CNBD2: variants seen among roughly 807,000 people sequenced by gnomAD.
The protein encoded by CNBD2 is cyclic nucleotide binding domain containing 2.
A neutral mutation model predicts 63.7 loss-of-function variants in CNBD2; 64 were observed. The observed-to-expected ratio is 1.00, with a 90% CI of 0.82 to 1.24. The LOEUF is 1.24. CNBD2 is among the 50% of genes most tolerant of loss of function. The pLI, the probability that CNBD2 is intolerant of heterozygous loss-of-function variation, is 0.00. For missense variants in CNBD2, 691 were observed against 713.5 expected, an observed-to-expected ratio of 0.97 and a Z score of 0.36; for synonymous variants, 229 against 255.4, an observed-to-expected ratio of 0.90 and a Z score of 0.99.
chr20:35,975,401 C>T (rs1406901339), intron 2 of CNBD2, among the ~76,000 whole-genome samples: 1 of 111,768 alleles, frequency 8.9e-6, no homozygotes, highest in East Asian at 2.4e-4. Flanking sequence ...CCCGGGTTCA[C>T]GCCATTCTCC....
chr20:36,011,019 T>G, intron 9 of CNBD2, 118 bp from the exon 10 acceptor site: 1 of 1,104,794 alleles, frequency 9.1e-7, no homozygotes, highest in Non-Finnish European at 1.2e-6. Context: ...TTCTGGGAAG[T>G]TGTGAATTCC....
intron 1 of CNBD2, among the ~76,000 whole-genome samples, chr20:35,969,854 C>T (rs936158595): frequency 2.0e-5 from 3 of 152,246 alleles, no homozygotes; most frequent in Non-Finnish European, 2.9e-5. Context: ...GAAGTACACA[C>T]ATCCTCAACT....
chr20:36,021,825 T>A (rs538793495), intron 10 of CNBD2, among the ~76,000 whole-genome samples: 2 of 152,094 alleles, frequency 1.3e-5, no homozygotes, highest in East Asian at 1.9e-4. Context: ...TGGACTTCCA[T>A]CTCCCTTCCA....
intron 3 of CNBD2, among the ~76,000 whole-genome samples, chr20:35,978,083 T>G (rs2056545321): frequency 6.6e-6 from 1 of 152,180 alleles, no homozygotes; most frequent in Admixed American, 6.5e-5. Context: ...GTGGAAACAA[T>G]GGATACATTT....
downstream of CNBD2, among the ~76,000 whole-genome samples, chr20:35,955,586 A>G (rs1479192572): frequency 6.6e-6 from 1 of 152,142 alleles, no homozygotes; most frequent in East Asian, 1.9e-4. Context: ...TCTTGTTTTT[A>G]TTAGGTAAAC....
intron 6 of CNBD2, among the ~76,000 whole-genome samples, chr20:35,986,576 C>T (rs1423679578): frequency 6.6e-6 from 1 of 152,182 alleles, no homozygotes; most frequent in African/African-American, 2.4e-5. Flanking sequence ...TACTTTTCTT[C>T]TGGTGTCTTC....
At chr20:36,000,752 A>AT (rs1469503634) in intron 8 of CNBD2, among the ~76,000 whole-genome samples, 1 of 141,564 alleles carries the variant, frequency 7.1e-6, no homozygotes, top group South Asian at 2.5e-4. Flanking sequence ...TTGTGTATGA[A>AT]ATTTTTTTTT....
chr20:35,992,910 C>A (rs1341940386), intron 7 of CNBD2, among the ~76,000 whole-genome samples: 1 of 151,984 alleles, frequency 6.6e-6, no homozygotes, highest in African/African-American at 2.4e-5. Context: ...CATATTACCA[C>A]TAGAGGGCAA....
chr20:35,978,489 C>T lies in CNBD2; in HGVS notation c.244-1970C>T, dbSNP rs147785104. On this transcript the variant is annotated intron_variant, in intron 3 of 11. Transcript: ENST00000373973. ...CCTCCTGAGTAGCTGGAACTAAAGG[C>T]GCCTGCCACCACGCCCTGCTAATTT... 9.9e-4 allele frequency among the ~76,000 whole-genome samples: 150 copies of T among 152,130 alleles called. 2 individuals carry two copies. In the East Asian group the frequency reaches 0.028, roughly 29 times the overall value.
intron 8 of CNBD2, among the ~76,000 whole-genome samples, chr20:36,000,684 G>A (rs1056322459): frequency 1.3e-5 from 2 of 151,074 alleles, no homozygotes; most frequent in East Asian, 1.9e-4. Context: ...TCAGCCTCAC[G>A]AGTAGCTGGG....
intron 10 of CNBD2, among the ~76,000 whole-genome samples, chr20:36,011,862 A>G (rs2590979): frequency 0.035 from 5,406 of 152,304 alleles, 337 homozygotes; most frequent in African/African-American, 0.12. Context: ...TGAACAATTG[A>G]AATTTGACAT....
intron 6 of CNBD2, among the ~76,000 whole-genome samples, chr20:35,985,819 C>A (rs2056660479): frequency 6.6e-6 from 1 of 152,144 alleles, no homozygotes; most frequent in Non-Finnish European, 1.5e-5. Context: ...ATGGTAATTT[C>A]TTTACAGTTT....
At chr20:35,979,668 G>T (rs912156166) in intron 3 of CNBD2, among the ~76,000 whole-genome samples, 16 of 152,230 alleles carry the variant, frequency 1.1e-4, no homozygotes, top group Non-Finnish European at 2.9e-5. Flanking sequence ...TTTCAGCTAA[G>T]ACGACCCAGT....
At chr20:35,976,041 T>G in intron 3 of CNBD2, 39 bp downstream of exon 3, 1 of 1,564,638 alleles carries the variant, frequency 6.4e-7, no homozygotes, top group East Asian at 2.3e-5. Context: ...GGAATTTTCT[T>G]TCTGCACCCT....
chr20:36,023,602 G>A lies in CNBD2; in HGVS notation c.1270G>A (p.Gly424Ser). Residue 424 changes from glycine (G) to serine (S), a missense_variant and splice_region_variant, in exon 11 of 12, where the codon GGT (glycine) becomes AGT (serine). Gly to Ser is a moderately conservative substitution (Grantham distance 56). Transcript: ENST00000373973. ...VHTVEQGEIL[G>S]LHQAFLPEGE... ...CTAACTTTCTGTGACTTCTCCCGAG[G>A]GTCTTCACCAGGCCTTCCTTCCAGA... The A allele has an allele frequency of 6.3e-7, 1 of 1,586,550 alleles. No individual in the cohort carries two copies. Among genetic ancestry groups the A allele is most frequent in the Non-Finnish European group, 8.6e-7 (1 of 1,168,060 alleles).
At chr20:36,010,470 A>G (rs908586134) in intron 9 of CNBD2, among the ~76,000 whole-genome samples, 3 of 151,904 alleles carry the variant, frequency 2.0e-5, no homozygotes, top group African/African-American at 4.8e-5. Context: ...AAAGAAAAGA[A>G]AAGAAATTCC....
chr20:36,000,244 G>A (rs1029537893), intron 8 of CNBD2, among the ~76,000 whole-genome samples: 1 of 152,028 alleles, frequency 6.6e-6, no homozygotes, highest in African/African-American at 2.4e-5. Context: ...AAAATTCTAA[G>A]TTGACAGGTT....
At chr20:35,993,337 G>T (rs1167857350) in intron 7 of CNBD2, among the ~76,000 whole-genome samples, 1 of 152,098 alleles carries the variant, frequency 6.6e-6, no homozygotes, top group African/African-American at 2.4e-5. Flanking sequence ...ATACTCTTAA[G>T]ACTTATGTCA....
chr20:36,009,725 G>C (rs912757772), intron 9 of CNBD2, among the ~76,000 whole-genome samples: 1 of 151,996 alleles, frequency 6.6e-6, no homozygotes, highest in Non-Finnish European at 1.5e-5. Context: ...CCAGCTACTT[G>C]GGAGGCTGAG....
Sources: gnomAD v4.1 joint callset for allele counts (sites outside exome capture counted in the v4.1 genomes callset) on GRCh38, gnomAD v4.1.1 for gene constraint, MANE v1.5 for transcripts, NCBI Gene and HGNC (gene_info 2026-07-23, HGNC 2026-07-21) for gene names.